The following PRKN variants were observed in gnomAD, a reference collection of about 807,000 sequenced individuals.
The protein encoded by PRKN is parkin RBR E3 ubiquitin protein ligase.
In PRKN, 56 loss-of-function variants were observed where a neutral mutation model predicts 59.5. The ratio of observed to expected loss-of-function variants is 0.94; its 90% CI spans 0.76 to 1.18. The LOEUF (loss-of-function observed/expected upper bound fraction) is 1.18, where lower values mean the gene tolerates loss of function less well. PRKN is among the 50% of genes most tolerant of loss of function. The pLI is 0.00. For synonymous variants in PRKN, 250 were observed against 222.1 expected (o/e 1.13, Z -1.12); for missense variants, 657 against 596.4 (o/e 1.10, Z -1.06).
chr6:161,361,746 C>T lies in PRKN; in HGVS notation c.1168-1541G>A, dbSNP rs77784422. Among the ~76,000 whole-genome samples, 181 of 152,318 alleles carry T rather than the reference C, an allele frequency of 1.2e-3. No individual in the cohort carries two copies. The highest frequency in any genetic ancestry group is 4.3e-3 in the African/African-American group (177 of 41,574). On this transcript the variant is annotated intron_variant, in intron 10 of 11. Transcript: ENST00000366898. The surrounding 1 kb of genome is among the most constrained non-coding windows in gnomAD (Gnocchi z 5.2). ...CAGGGTGTCACGTGATTTGTGAATACTTTGCTAGAATAACGTGGAGTCAGC... is the reference window on the plus strand; with the variant it reads ...CAGGGTGTCACGTGATTTGTGAATATTTTGCTAGAATAACGTGGAGTCAGC...
chr6:161,779,435 C>CTTTCCTTTTTTTTTTTTTTT (rs1234367519), intron 7 of PRKN, among the ~76,000 whole-genome samples: 1 of 40,434 alleles, frequency 2.5e-5, no homozygotes, highest in Non-Finnish European at 4.9e-5. Context: ...TTTTTCTTTT[C>CTTTCCTTTTTTTTTTTTTTT]TTTTCTTTTT....
intron 4 of PRKN, among the ~76,000 whole-genome samples, chr6:162,071,161 T>C (rs910602343): frequency 1.3e-5 from 2 of 151,262 alleles, no homozygotes; most frequent in Non-Finnish European, 3.0e-5. Flanking sequence ...AGTTTAATAT[T>C]TTGTGCCCTT....
At chr6:162,347,029 T>C (rs202160408) in intron 2 of PRKN, among the ~76,000 whole-genome samples, 1 of 151,782 alleles carries the variant, frequency 6.6e-6, no homozygotes, top group East Asian at 1.9e-4. Context: ...TCTTTAGTAT[T>C]TTTTTCTTGA....
intron 2 of PRKN, among the ~76,000 whole-genome samples, chr6:162,371,787 G>A (rs752422175): frequency 1.4e-4 from 21 of 152,138 alleles, no homozygotes; most frequent in South Asian, 4.1e-4. Context: ...TTGGGTAATT[G>A]TACAGCAGCA....
intron 4 of PRKN, among the ~76,000 whole-genome samples, chr6:162,138,860 T>G (rs568510222): frequency 1.3e-5 from 2 of 151,192 alleles, no homozygotes; most frequent in African/African-American, 4.9e-5. Flanking sequence ...ACCAAGAAAA[T>G]AGGGCCAGAG....
chr6:161,991,285 C>A (rs1219047627), intron 5 of PRKN, among the ~76,000 whole-genome samples: 1 of 152,030 alleles, frequency 6.6e-6, no homozygotes, highest in Non-Finnish European at 1.5e-5. Flanking sequence ...TGTACCATCA[C>A]GAAAACACAC....
chr6:161,636,057 T>C (rs1219599325), intron 7 of PRKN, among the ~76,000 whole-genome samples: 1 of 152,054 alleles, frequency 6.6e-6, no homozygotes, highest in East Asian at 1.9e-4. Flanking sequence ...CCCCGAAACA[T>C]GAGTCTCCCA....
At chr6:161,849,362 C>T (rs1793332723) in intron 6 of PRKN, among the ~76,000 whole-genome samples, 1 of 152,150 alleles carries the variant, frequency 6.6e-6, no homozygotes, top group Non-Finnish European at 1.5e-5. Flanking sequence ...ATGTTTCCTG[C>T]TTATTTCTAC....
chr6:161,874,971 ATTTAT>A lies in PRKN; in HGVS notation c.735-89068_735-89064del, dbSNP rs1450110639. ...ATAGGTACTTTATATATAATATATAATTTATTATATTATATACTTTATATATAATA... is the reference window on the plus strand; with the variant it reads ...ATAGGTACTTTATATATAATATATAATATATTATATACTTTATATATAATA... On this transcript the variant is annotated intron_variant, in intron 6 of 11. Transcript: ENST00000366898. 2.6e-3 allele frequency among the ~76,000 whole-genome samples: 271 copies of A among 105,938 alleles called. 5 individuals are homozygous for A. In the East Asian group the frequency reaches 0.049, roughly 19 times the overall value. 69.5% of individuals were successfully genotyped at this position (105,938 alleles called of 152,430 possible). A position where few individuals can be genotyped will look rare whatever the true frequency, so the allele number is the denominator to read the frequency against.
At chr6:162,109,717 C>G (rs1421838760) in intron 4 of PRKN, among the ~76,000 whole-genome samples, 2 of 152,228 alleles carry the variant, frequency 1.3e-5, no homozygotes, top group African/African-American at 4.8e-5. Context: ...AGCTCTTCCT[C>G]TCTACAGATG....
chr6:161,770,879 T>C (rs990416267), intron 7 of PRKN, among the ~76,000 whole-genome samples: 4 of 151,652 alleles, frequency 2.6e-5, no homozygotes, highest in African/African-American at 4.8e-5. Flanking sequence ...AGAGGGAAAA[T>C]AGACCACAGG....
intron 6 of PRKN, among the ~76,000 whole-genome samples, chr6:161,868,071 A>T (rs772373173): frequency 3.3e-5 from 5 of 151,676 alleles, no homozygotes; most frequent in Admixed American, 6.6e-5. Context: ...AAATCTTTTA[A>T]TTTCTTTAAT....
Position 161,393,428 on chromosome 6 carries a change from G to C in PRKN, c.1084-6551C>G, listed in dbSNP as rs1045439554. Among the ~76,000 whole-genome samples, 3 of 152,108 alleles carry C rather than the reference G, an allele frequency of 2.0e-5. No homozygotes were observed. The highest frequency in any genetic ancestry group is 7.3e-5 in the African/African-American group (3 of 41,372). On this transcript the variant is annotated intron_variant, in intron 9 of 11. Transcript: ENST00000366898. This position sits in a 1 kb window ranked among gnomAD's most constrained non-coding sequence, Gnocchi z 4.7. Reference sequence around the variant, plus strand: ...GAGGCCTCTCTTTGCTGGTATACATGCTGAGGTAAGTCACTGTCAGCCCCC... The same window carrying C: ...GAGGCCTCTCTTTGCTGGTATACATCCTGAGGTAAGTCACTGTCAGCCCCC...
At chr6:162,061,206 A>G (rs530633844) in intron 4 of PRKN, among the ~76,000 whole-genome samples, 1 of 152,340 alleles carries the variant, frequency 6.6e-6, no homozygotes, top group African/African-American at 2.4e-5. Flanking sequence ...TAAGGAATTA[A>G]ATACCTACTT....
chr6:162,197,020 T>A (rs1422965694), intron 4 of PRKN, among the ~76,000 whole-genome samples: 2 of 152,184 alleles, frequency 1.3e-5, no homozygotes, highest in African/African-American at 4.8e-5. Context: ...CCAGTTTTCC[T>A]CCTTAGGTAT....
chr6:162,205,717 C>A (rs1784907411), intron 3 of PRKN, among the ~76,000 whole-genome samples: 1 of 151,994 alleles, frequency 6.6e-6, no homozygotes, highest in African/African-American at 2.4e-5. Flanking sequence ...TCTCCATTTG[C>A]ACTATCTCAT....
Position 161,630,991 on chromosome 6 carries a change from G to A in PRKN, c.872-61575C>T, listed in dbSNP as rs181869451. On this transcript the variant is annotated intron_variant, in intron 7 of 11. Transcript: ENST00000366898. ...TGTTTGCATCCCCAGGGGTGTTTGC[G>A]GGCAGCACTACCCCAGAAGGGTGGG... 2.5e-4 allele frequency among the ~76,000 whole-genome samples: 38 copies of A among 152,276 alleles called. No individual in the cohort carries two copies. The East Asian group carries it at 3.3e-3, about 13-fold the overall frequency.
Position 162,234,137 on chromosome 6 carries a change from T to G in PRKN, c.412+28388A>C, listed in dbSNP as rs79301195. 1.7e-3 allele frequency among the ~76,000 whole-genome samples: 259 copies of G among 152,240 alleles called. 7 individuals are homozygous for G. In the East Asian group the frequency reaches 0.026, roughly 15 times the overall value. Reference sequence around the variant, plus strand: ...TAGGATGGGGGAAAAAAGCAGAGAATGTGTTGTTAGGATACTATGGGAAAG... The same window carrying G: ...TAGGATGGGGGAAAAAAGCAGAGAAGGTGTTGTTAGGATACTATGGGAAAG... On this transcript the variant is annotated intron_variant, in intron 3 of 11. Coordinates refer to ENST00000366898, the MANE Select transcript of PRKN (RefSeq NM_004562.3).
intron 6 of PRKN, among the ~76,000 whole-genome samples, chr6:161,971,892 A>G (rs1289209174): frequency 6.6e-6 from 1 of 152,206 alleles, no homozygotes; most frequent in Non-Finnish European, 1.5e-5. Context: ...ACTTAAAATG[A>G]TTAGGGTATA....
Sources: allele counts gnomAD v4.1 joint callset (sites outside exome capture counted in the v4.1 genomes callset), GRCh38; gene constraint gnomAD v4.1.1; non-coding constraint Gnocchi (gnomAD v3.1); transcripts MANE v1.5; gene names NCBI Gene and HGNC (gene_info 2026-07-23, HGNC 2026-07-21).